The following MARF1 variants were observed in gnomAD, a reference collection of about 807,000 sequenced individuals.
MARF1 encodes the protein meiosis regulator and mRNA stability factor 1, also known as limkain-b1.
MARF1 carries 24 observed loss-of-function variants against 168.2 expected under a neutral mutation model. The ratio of observed to expected loss-of-function variants is 0.14; its 90% CI spans 0.10 to 0.20. MARF1 has a LOEUF of 0.20. Ranked by LOEUF, MARF1 falls within the 10% of genes least tolerant of loss-of-function variation. The pLI is 1.00. For synonymous variants in MARF1, 868 were observed against 822.4 expected (o/e 1.06, Z -0.95); for missense variants, 1,744 against 2,143.6 (o/e 0.81, Z 3.68).
At chr16:15,602,328 C>G (rs1297496871) in intron 22 of MARF1, 125 bp from the exon 23 acceptor site, 2 of 726,572 alleles carry the variant, frequency 2.8e-6, no homozygotes, top group East Asian at 5.1e-5. Context: ...AAAAAGAAGG[C>G]AACGAAGATG....
At chr16:15,635,019 T>C in intron 3 of MARF1, 88 bp from the exon 4 acceptor site, 1 of 1,152,052 alleles carries the variant, frequency 8.7e-7, no homozygotes, top group Non-Finnish European at 1.2e-6. Context: ...AAATACACTC[T>C]AAGTGTTTTA....
Position 15,636,088 on chromosome 16 carries a change from G to T in MARF1, c.399C>A (p.Gly133=), listed in dbSNP as rs771271360. Reference sequence around the variant, plus strand: ...TGGTGCTTTGCGAGTCTAACAGTGCGCCCGGGTGAATCAAGCTACTGGTAC... The same window carrying T: ...TGGTGCTTTGCGAGTCTAACAGTGCTCCCGGGTGAATCAAGCTACTGGTAC... The part of the protein sequence containing the change: ...SGGTSSLIHP[G]ALLDSQSTRT... Residue 133 remains glycine, a synonymous_variant, in exon 3 of 27, where the codon GGC becomes GGA. Coordinates refer to ENST00000396368, the MANE Select transcript of MARF1 (RefSeq NM_014647.4). 1 of 1,614,190 alleles carries T rather than the reference G, an allele frequency of 6.2e-7. No homozygotes were observed. Among genetic ancestry groups the T allele is most frequent in the Admixed American group, 1.7e-5 (1 of 60,022 alleles).
chr16:15,638,281 T>C (rs1352501818), intron 2 of MARF1, among the ~76,000 whole-genome samples: 6 of 151,974 alleles, frequency 3.9e-5, no homozygotes, highest in East Asian at 1.9e-4. Context: ...CATGAGTGCA[T>C]GAAGTCAGGA....
chr16:15,626,682 T>C (rs570147922), intron 7 of MARF1, among the ~76,000 whole-genome samples: 2 of 152,260 alleles, frequency 1.3e-5, no homozygotes, highest in African/African-American at 4.8e-5. Context: ...GAACTTGGCC[T>C]GGCACAGTGG....
intron 16 of MARF1, among the ~76,000 whole-genome samples, chr16:15,615,010 A>AC (rs1379319441): frequency 2.0e-5 from 3 of 151,978 alleles, no homozygotes; most frequent in Non-Finnish European, 4.4e-5. Flanking sequence ...TGAACTCCTG[A>AC]CCTCAGGTGA....
Position 15,623,115 on chromosome 16 carries a change from G to C in MARF1, c.2279C>G (p.Ser760Cys). The change falls in exon 11 of 27, where the codon TCT becomes TGT. Residue 760 changes from serine (S) to cysteine (C), a missense_variant. This residue lies in a region of MARF1 where 270 missense variants were observed against 260.6 expected (regional missense o/e 1.04). Transcript: ENST00000396368. ...ASQSWSSRSM[S>C]PNLLNRASPL... The stretch of plus-strand genomic sequence containing the variant: ...GGATGCTCTGTTTAAAAGGTTTGGA[G>C]ACATACTCCTGCTTAAAACACACAT... 1 of 1,586,094 alleles carries C rather than the reference G, an allele frequency of 6.3e-7. No individual in the cohort carries two copies. The highest frequency in any genetic ancestry group is 8.6e-7 in the Non-Finnish European group (1 of 1,158,556).
intron 4 of MARF1, among the ~76,000 whole-genome samples, chr16:15,634,250 C>G (rs1000387954): frequency 2.0e-5 from 3 of 152,172 alleles, no homozygotes; most frequent in East Asian, 3.8e-4. Context: ...CACTGAGGAG[C>G]TGACAAAGGG....
chr16:15,601,207 C>T (rs1276917567), intron 23 of MARF1: 7 of 388,884 alleles, frequency 1.8e-5, no homozygotes, highest in East Asian at 7.2e-5. Context: ...TGCACACCGT[C>T]GCCAGGTCAC....
In MARF1 at chr16:15,604,390, A is replaced by G. The variant is rs557628641; in HGVS notation, c.4191T>C (p.Asp1397=). Residue 1397 remains aspartate, a synonymous_variant, in exon 22 of 27, where the codon GAT becomes GAC. Transcript: ENST00000396368. ...QKLCHVVKVA[D]IESGRQIQLI... is the part of the protein sequence containing the mutation. ...GCTGAATCTGTCTGCCAGATTCTAT[A>G]TCGGCAACCTGGGGAAAACGAGAAT... 1.8e-4 allele frequency: 287 copies of G among 1,612,068 alleles called. 4 individuals are homozygous for G. In the South Asian group the frequency reaches 2.9e-3, roughly 16 times the overall value.
chr16:15,603,808 C>T (rs979024019), intron 22 of MARF1, among the ~76,000 whole-genome samples: 1 of 152,158 alleles, frequency 6.6e-6, no homozygotes, highest in Admixed American at 6.5e-5. Context: ...CCTCACCTTA[C>T]TCATCTCTCT....
intron 21 of MARF1, 147 bp from the exon 22 acceptor site, chr16:15,604,545 G>A (rs2032836793): frequency 1.6e-6 from 1 of 624,824 alleles, no homozygotes; most frequent in Non-Finnish European, 2.8e-6. Flanking sequence ...AAGCAAGTGG[G>A]TTTGTTTTTA....
rs77616598 is a variant in MARF1 at position 15,598,818 on chromosome 16, C to T, written c.4984+36G>A. The T allele has an allele frequency of 2.1e-3, 3,433 of 1,608,064 alleles. 66 individuals carry two copies. In the African/African-American group the frequency reaches 0.041, roughly 19 times the overall value. ...CTCATCGTGGTTTTGTTTTAAACCC[C>T]GAAGAAAATCCCCATGACAACATGG... On this transcript the variant is annotated intron_variant, in intron 26 of 26. Transcript: ENST00000396368.
intron 18 of MARF1, 52 bp from the exon 19 acceptor site, chr16:15,611,160 A>G (rs2033501356): frequency 1.3e-6 from 2 of 1,582,074 alleles, no homozygotes; most frequent in East Asian, 4.5e-5. Flanking sequence ...CATCGGTAGA[A>G]GAACTACAAG....
At position 15,624,826 on chromosome 16, in the gene MARF1, T is replaced by C. The variant is rs2034722926; in HGVS notation, c.2213A>G (p.Lys738Arg). ...ACTGACTTGCCTGGATGCAACTAAC[T>C]TGCTAAAAGCAGACGGGTAACTCAC... ...FQVSYPSAFSKLVASRQVSPL... is the reference protein window; with the variant it reads ...FQVSYPSAFSRLVASRQVSPL... The change falls in exon 10 of 27, where the codon AAG becomes AGG. Residue 738 changes from lysine to arginine, a missense_variant. Transcript: ENST00000396368. 1.2e-6 allele frequency: 2 copies of C among 1,614,062 alleles called. No individual in the cohort carries two copies. Among genetic ancestry groups the C allele is most frequent in the Admixed American group, 1.7e-5 (1 of 60,006 alleles).
chr16:15,616,898 G>A, intron 15 of MARF1, 154 bp downstream of exon 15: 1 of 1,075,734 alleles, frequency 9.3e-7, no homozygotes, highest in East Asian at 2.4e-5. Flanking sequence ...ATTTTGTTAT[G>A]TGGTGCATGA....
chr16:15,611,136 G>A lies in MARF1; in HGVS notation c.3618-28C>T, dbSNP rs761712910. 4.0e-5 allele frequency: 64 copies of A among 1,609,566 alleles called. No individual in the cohort carries two copies. In the Admixed American group the frequency reaches 8.2e-4, roughly 21 times the overall value. On this transcript the variant is annotated intron_variant, in intron 18 of 26. Coordinates refer to ENST00000396368, the MANE Select transcript of MARF1 (RefSeq NM_014647.4). ...AGGTTTTAACAACGGAAGTGGATACGGAATGAGTAGTATCATCGGTAGAAG... is the reference window on the plus strand; with the variant it reads ...AGGTTTTAACAACGGAAGTGGATACAGAATGAGTAGTATCATCGGTAGAAG...
Position 15,604,335 on chromosome 16 carries a change from T to C in MARF1, c.4246A>G (p.Thr1416Ala). The change falls in exon 22 of 27, where the codon ACT becomes GCT. Residue 1416 changes from threonine to alanine, a missense_variant. Around this residue, in one of 7 missense-constraint regions of MARF1, gnomAD observed 74 missense variants for 66.7 expected, o/e 1.11. Coordinates refer to ENST00000396368, the MANE Select transcript of MARF1 (RefSeq NM_014647.4). ...LINRKSLRSLTAQLLVLLMSW... is the reference protein window; with the variant it reads ...LINRKSLRSLAAQLLVLLMSW... ...ATCAACAATACCAGCAACTGGGCAG[T>C]GAGAGATCGCAGAGACTTTCGGTTG... The C allele has an allele frequency of 6.2e-7, 1 of 1,614,058 alleles. No homozygotes were observed. Among genetic ancestry groups the C allele is most frequent in the African/African-American group, 1.3e-5 (1 of 74,994 alleles).
rs746845742 is a variant in MARF1 at position 15,617,099 on chromosome 16, C to G, written c.3030G>C (p.Gln1010His). Residue 1010 changes from glutamine to histidine, a missense_variant, in exon 15 of 27, where the codon CAG (glutamine) becomes CAC (histidine). Gln to His is a conservative substitution (Grantham distance 24). This residue lies in a region of MARF1 where 543 missense variants were observed against 742.1 expected (regional missense o/e 0.73). Coordinates refer to ENST00000396368, the MANE Select transcript of MARF1 (RefSeq NM_014647.4). ...CGTGGGTCTGGAGAAGACTGTGAAC[C>G]TGGGGCGCAAATGTCTTCAAAGAAA... ...VILSLKTFAP[Q>H]VHSLLQTHEG... 1.2e-6 allele frequency: 2 copies of G among 1,614,168 alleles called. No homozygotes were observed. The highest frequency in any genetic ancestry group is 2.2e-5 in the South Asian group (2 of 91,086).
intron 10 of MARF1, 151 bp from the exon 11 acceptor site, chr16:15,623,274 C>CT (rs71375044): frequency 0.027 from 3,174 of 118,694 alleles, 33 homozygotes; most frequent in South Asian, 0.056. Context: ...TGTTTTTAAT[C>CT]TTTTTTTTTT....
Sources: allele counts gnomAD v4.1 joint callset (sites outside exome capture counted in the v4.1 genomes callset), GRCh38; gene constraint gnomAD v4.1.1; regional missense constraint gnomAD v4.1.1; transcripts MANE v1.5; gene names NCBI Gene and HGNC (gene_info 2026-07-23, HGNC 2026-07-21).